Variants in SCMH1 observed in about 807,000 individuals in gnomAD.
SCMH1 encodes the protein Scm polycomb group protein homolog 1.
In SCMH1, 37 loss-of-function variants were observed where a neutral mutation model predicts 70.8. The observed-to-expected ratio is 0.52, with a 90% CI of 0.40 to 0.69. The LOEUF (loss-of-function observed/expected upper bound fraction) is 0.69. Ranked by LOEUF, SCMH1 falls within the 30% of genes least tolerant of loss-of-function variation. SCMH1 has a pLI of 0.00. For missense variants in SCMH1, 607 were observed against 827.3 expected, an observed-to-expected ratio of 0.73 and a Z score of 3.27; for synonymous variants, 292 against 307.4, an observed-to-expected ratio of 0.95 and a Z score of 0.52.
exon 10 of SCMH1, chr1:41,070,695 T>G (rs1571777119): frequency 6.2e-7 from 1 of 1,614,088 alleles, no homozygotes; most frequent in Non-Finnish European, 8.5e-7. Flanking sequence ...AGGCAGGTGG[T>G]GGGTTCAGCA....
At chr1:41,171,660 C>T (rs1646792122) in intron 2 of SCMH1, among the ~76,000 whole-genome samples, 2 of 151,950 alleles carry the variant, frequency 1.3e-5, no homozygotes, top group African/African-American at 4.8e-5. Context: ...GTAAATCTCA[C>T]CAAATTTAAG....
rs543909342 is a variant in SCMH1 at position 41,192,941 on chromosome 1, A to G, written c.-117-6691T>C. 3.9e-4 allele frequency among the ~76,000 whole-genome samples: 60 copies of G among 152,354 alleles called. No homozygotes were observed. In the South Asian group the frequency reaches 0.012, roughly 31 times the overall value. ...TGGCAAATATTTTCAGTTTTACAGG[A>G]CATATGGTCTCTGTTGCAACTGCTC... On this transcript the variant is annotated intron_variant, in intron 1 of 14. Coordinates refer to ENST00000337495, the Ensembl canonical transcript of SCMH1.
intron 10 of SCMH1, among the ~76,000 whole-genome samples, chr1:41,055,378 C>A (rs193248848): frequency 6.6e-6 from 1 of 151,928 alleles, no homozygotes; most frequent in Non-Finnish European, 1.5e-5. Context: ...GAGATGGAGT[C>A]TCACTCTGTC....
intron 1 of SCMH1, among the ~76,000 whole-genome samples, chr1:41,226,192 C>T: frequency 6.6e-6 from 1 of 152,146 alleles, no homozygotes; most frequent in East Asian, 1.9e-4. Flanking sequence ...TTCATCTTTA[C>T]AAAAATTTCA....
rs190867833 is a variant in SCMH1, at chr1:41,137,358, C to T, written c.412+5520G>A. Among the ~76,000 whole-genome samples the T allele has an allele frequency of 1.9e-4, 29 of 152,170 alleles. No individual in the cohort carries two copies. The East Asian group carries it at 4.8e-3, about 25-fold the overall frequency. ...AATTTTGCAAACTTTGTTTATATCT[C>T]CCCTGTTCAACTAAGAGCTATTTAG... On this transcript the variant is annotated intron_variant, in intron 6 of 14. Coordinates refer to ENST00000337495, the Ensembl canonical transcript of SCMH1.
chr1:41,157,189 G>A (rs1557687292), intron 4 of SCMH1, among the ~76,000 whole-genome samples: 1 of 151,940 alleles, frequency 6.6e-6, no homozygotes, highest in Non-Finnish European at 1.5e-5. Context: ...CCTACCGAAA[G>A]TACACAGGTG....
At chr1:41,118,900 C>G (rs1326836454) in intron 6 of SCMH1, among the ~76,000 whole-genome samples, 1 of 152,220 alleles carries the variant, frequency 6.6e-6, no homozygotes, top group African/African-American at 2.4e-5. Context: ...GAAATAACAG[C>G]AGCAGCAGTA....
intron 10 of SCMH1, among the ~76,000 whole-genome samples, chr1:41,055,786 G>A (rs1481082868): frequency 6.6e-6 from 1 of 152,108 alleles, no homozygotes; most frequent in South Asian, 2.1e-4. Context: ...ACAGGTCGTC[G>A]GGACAAGAAG....
At chr1:41,201,139 T>C (rs1654268924) in intron 1 of SCMH1, among the ~76,000 whole-genome samples, 1 of 152,198 alleles carries the variant, frequency 6.6e-6, no homozygotes, top group African/African-American at 2.4e-5. Flanking sequence ...ATAAAGTAAT[T>C]TGAACTTGAC....
chr1:41,163,052 G>T (rs988119907), intron 2 of SCMH1: 2 of 152,308 alleles, frequency 1.3e-5, no homozygotes, highest in African/African-American at 4.8e-5. Flanking sequence ...GGGAAGAGCT[G>T]CAGCCCTTTG....
chr1:41,140,904 A>G (rs947989156), intron 6 of SCMH1, among the ~76,000 whole-genome samples: 3 of 152,222 alleles, frequency 2.0e-5, no homozygotes, highest in Non-Finnish European at 2.9e-5. Flanking sequence ...TAATTCAAGC[A>G]TCAATAAGGT....
At chr1:41,175,350 G>C (rs949984772) in intron 2 of SCMH1, among the ~76,000 whole-genome samples, 5 of 152,152 alleles carry the variant, frequency 3.3e-5, no homozygotes, top group Admixed American at 3.3e-4. Flanking sequence ...TTCCCCACTG[G>C]TTTTCAGGTC....
intron 6 of SCMH1, among the ~76,000 whole-genome samples, chr1:41,136,282 T>C (rs1414307193): frequency 6.6e-6 from 1 of 152,176 alleles, no homozygotes; most frequent in East Asian, 1.9e-4. Context: ...GTAATGCTAT[T>C]GAAGTTAATT....
chr1:41,039,352 A>C (rs1249785895), intron 12 of SCMH1, among the ~76,000 whole-genome samples: 1 of 152,204 alleles, frequency 6.6e-6, no homozygotes, highest in Non-Finnish European at 1.5e-5. Context: ...CAAGTCATGA[A>C]ATCTTATCCT....
intron 2 of SCMH1, among the ~76,000 whole-genome samples, chr1:41,166,647 G>A (rs1023215083): frequency 2.2e-5 from 3 of 133,382 alleles, no homozygotes; most frequent in Non-Finnish European, 4.7e-5. Context: ...TTTTCAGAAA[G>A]TTCACTGTTA....
intron 6 of SCMH1, among the ~76,000 whole-genome samples, chr1:41,127,306 C>A (rs964303166): frequency 2.0e-5 from 3 of 151,938 alleles, no homozygotes; most frequent in Non-Finnish European, 4.4e-5. Flanking sequence ...TATCATTTGT[C>A]TTTTAGCTTT....
chr1:41,173,975 A>G (rs1646954545), intron 2 of SCMH1, among the ~76,000 whole-genome samples: 1 of 152,152 alleles, frequency 6.6e-6, no homozygotes, highest in Non-Finnish European at 1.5e-5. Flanking sequence ...GGGCAAATAT[A>G]AAAGTACAGC....
At chr1:41,220,800 T>C (rs978224375) in intron 1 of SCMH1, among the ~76,000 whole-genome samples, 1 of 152,204 alleles carries the variant, frequency 6.6e-6, no homozygotes, top group Non-Finnish European at 1.5e-5. Flanking sequence ...GGTAAACTGG[T>C]GTATAAGAGG....
At chr1:41,119,994 G>C (rs1671531145) in intron 6 of SCMH1, among the ~76,000 whole-genome samples, 1 of 152,186 alleles carries the variant, frequency 6.6e-6, no homozygotes, top group Non-Finnish European at 1.5e-5. Flanking sequence ...TCAGGGAAGG[G>C]CTGAAGCAAG....
Sources: allele counts gnomAD v4.1 joint callset (sites outside exome capture counted in the v4.1 genomes callset), GRCh38; gene constraint gnomAD v4.1.1; transcripts MANE v1.5; gene names NCBI Gene and HGNC (gene_info 2026-07-23, HGNC 2026-07-21).